The following KAZN variants were observed in gnomAD, a reference collection of about 807,000 sequenced individuals.
KAZN encodes the protein kazrin, periplakin interacting protein, also known as kazrin.
KAZN carries 40 observed loss-of-function variants against 87.4 expected under a neutral mutation model. The observed-to-expected ratio is 0.46, with a 90% confidence interval of 0.36 to 0.60. KAZN has a LOEUF of 0.60. Among genes scored for constraint, KAZN ranks in the 20% least tolerant of loss-of-function variants. The pLI, the probability that KAZN is intolerant of heterozygous loss-of-function variation, is 0.00. For missense variants in KAZN, 898 were observed against 1,073.9 expected (o/e 0.84, Z 2.29); for synonymous variants, 466 against 458.3 (o/e 1.02, Z -0.22).
At chr1:14,150,061 T>C (rs1399009301) in intron 1 of KAZN, among the ~76,000 whole-genome samples, 3 of 152,204 alleles carry the variant, frequency 2.0e-5, no homozygotes, top group African/African-American at 7.2e-5. Context: ...CAGAGCACTT[T>C]CACAAGCATT....
At chr1:14,964,522 A>G (rs1214194009) in intron 2 of KAZN, among the ~76,000 whole-genome samples, 1 of 152,182 alleles carries the variant, frequency 6.6e-6, no homozygotes, top group Non-Finnish European at 1.5e-5. Flanking sequence ...GGAATTCTAC[A>G]AAGTCATAAA....
intron 1 of KAZN, among the ~76,000 whole-genome samples, chr1:14,671,498 C>A (rs1335673652): frequency 6.6e-6 from 1 of 152,194 alleles, no homozygotes; most frequent in Non-Finnish European, 1.5e-5. Context: ...ATATTAAAGA[C>A]CTGCTTTGCA....
At chr1:14,145,597 T>C (rs1645331640) in intron 1 of KAZN, among the ~76,000 whole-genome samples, 1 of 152,186 alleles carries the variant, frequency 6.6e-6, no homozygotes, top group African/African-American at 2.4e-5. Flanking sequence ...TTTTTTTTTT[T>C]TGAGACAGAG....
intron 1 of KAZN, among the ~76,000 whole-genome samples, chr1:14,634,958 G>C (rs969189197): frequency 6.6e-6 from 1 of 152,096 alleles, no homozygotes; most frequent in African/African-American, 2.4e-5. Context: ...GCTCAGCTTT[G>C]CCTTCTAAAG....
chr1:14,203,395 A>G (rs1646679928), intron 2 of KAZN, among the ~76,000 whole-genome samples: 1 of 152,198 alleles, frequency 6.6e-6, no homozygotes. Flanking sequence ...AGGCTACACT[A>G]CATTACCCAA....
chr1:13,896,145 T>A (rs1639035122), intron 1 of KAZN, among the ~76,000 whole-genome samples: 1 of 151,808 alleles, frequency 6.6e-6, no homozygotes, highest in Non-Finnish European at 1.5e-5. Flanking sequence ...GGGCAGGGGT[T>A]GACAAAGGTT....
chr1:14,170,291 C>T (rs1323580457), intron 1 of KAZN, among the ~76,000 whole-genome samples: 1 of 152,022 alleles, frequency 6.6e-6, no homozygotes, highest in African/African-American at 2.4e-5. Context: ...ATTTTGAATC[C>T]GTGGTTCTAA....
rs540610432 is a variant in KAZN at position 14,872,688 on chromosome 1, A to G, written c.227-87996A>G. Among the ~76,000 whole-genome samples, 58 of 152,342 alleles carry G rather than the reference A, an allele frequency of 3.8e-4. 1 individual carries two copies. Among genetic ancestry groups the G allele is most frequent in the African/African-American group, 1.3e-3 (55 of 41,582 alleles). ...CCCTTCACATTTGAAGGATTAATATAATGGATCTCTCATGAACCTATACAG... is the reference window on the plus strand; with the variant it reads ...CCCTTCACATTTGAAGGATTAATATGATGGATCTCTCATGAACCTATACAG... On this transcript the variant is annotated intron_variant, in intron 1 of 14. Coordinates refer to ENST00000376030, the MANE Select transcript of KAZN (RefSeq NM_201628.3).
At chr1:14,306,843 A>G (rs1468322952) in intron 2 of KAZN, among the ~76,000 whole-genome samples, 3 of 152,202 alleles carry the variant, frequency 2.0e-5, no homozygotes, top group Admixed American at 6.5e-5. Flanking sequence ...CGCCTTCACA[A>G]TCAAAGTTCA....
chr1:14,696,971 C>T (rs1449049460), intron 1 of KAZN, among the ~76,000 whole-genome samples: 2 of 151,928 alleles, frequency 1.3e-5, no homozygotes, highest in Non-Finnish European at 2.9e-5. Context: ...GTGACGTTTC[C>T]TGGGAGTCAA....
In KAZN at chr1:14,923,712, G is replaced by A. The variant is rs1337548807; in HGVS notation, c.227-36972G>A. ...GATGGCCGGTCACACGCAAAGATGA[G>A]CGAAGGAAAGGTCCCGGGGCTGCTC... On this transcript the variant is annotated intron_variant, in intron 1 of 14. Transcript: ENST00000376030. The surrounding 1 kb of genome is among the most constrained non-coding windows in gnomAD (Gnocchi z 4.2). 1.3e-5 allele frequency among the ~76,000 whole-genome samples: 2 copies of A among 152,186 alleles called. No homozygotes were observed. The highest frequency in any genetic ancestry group is 2.4e-5 in the African/African-American group (1 of 41,446).
At chr1:14,501,544 T>C (rs76948417) in intron 2 of KAZN, among the ~76,000 whole-genome samples, 2,543 of 152,274 alleles carry the variant, frequency 0.017, 24 homozygotes, top group Non-Finnish European at 0.027. Context: ...TCCTTTTAGA[T>C]TGGAATCAAA....
At chr1:14,108,612 A>G (rs1644431023) in intron 1 of KAZN, among the ~76,000 whole-genome samples, 2 of 152,090 alleles carry the variant, frequency 1.3e-5, no homozygotes, top group African/African-American at 4.8e-5. Context: ...CCACTTTCCA[A>G]AATACCCAAC....
chr1:14,107,390 T>C (rs1404856932), intron 1 of KAZN, among the ~76,000 whole-genome samples: 3 of 151,794 alleles, frequency 2.0e-5, no homozygotes, highest in Non-Finnish European at 4.4e-5. Context: ...TTTGTTTGTT[T>C]TTTTGCCTGC....
intron 1 of KAZN, among the ~76,000 whole-genome samples, chr1:14,052,548 A>C (rs1465642334): frequency 6.6e-6 from 1 of 152,028 alleles, no homozygotes; most frequent in African/African-American, 2.4e-5. Flanking sequence ...AAAAAAAAAA[A>C]AACAAGAGAA....
At chr1:13,904,382 A>G (rs570010698) in intron 1 of KAZN, among the ~76,000 whole-genome samples, 4 of 152,260 alleles carry the variant, frequency 2.6e-5, no homozygotes, top group African/African-American at 9.6e-5. Flanking sequence ...AGGTTGGAGA[A>G]GTTGGGTTGT....
intron 2 of KAZN, among the ~76,000 whole-genome samples, chr1:14,203,265 A>G (rs182587978): frequency 6.6e-6 from 1 of 152,258 alleles, no homozygotes; most frequent in Admixed American, 6.5e-5. Flanking sequence ...GTGTCTGCAT[A>G]CAGTAGGGGA....
At chr1:14,516,791 C>T (rs1671321617) in intron 2 of KAZN, among the ~76,000 whole-genome samples, 1 of 152,140 alleles carries the variant, frequency 6.6e-6, no homozygotes, top group Admixed American at 6.5e-5. Context: ...CCATCCACAG[C>T]TCCATTTCTC....
chr1:14,665,883 G>A (rs1639506724), intron 1 of KAZN, among the ~76,000 whole-genome samples: 1 of 142,170 alleles, frequency 7.0e-6, no homozygotes, highest in East Asian at 2.1e-4. Flanking sequence ...GTCCAAGGGT[G>A]TCATTTTCCT....
Sources: allele counts gnomAD v4.1 joint callset (sites outside exome capture counted in the v4.1 genomes callset), GRCh38; gene constraint gnomAD v4.1.1; non-coding constraint Gnocchi (gnomAD v3.1); transcripts MANE v1.5; gene names NCBI Gene and HGNC (gene_info 2026-07-23, HGNC 2026-07-21).